The following PPFIBP2 variants were observed in gnomAD, a reference collection of about 807,000 sequenced individuals.
PPFIBP2 encodes PPFIB scaffold protein 2.
Under a neutral mutation model 118.3 loss-of-function variants are expected in PPFIBP2, and 118 were observed. The observed-to-expected ratio is 1.00, with a 90% CI of 0.86 to 1.16. The LOEUF (loss-of-function observed/expected upper bound fraction) is 1.16. Among genes scored for constraint, PPFIBP2 ranks in the 50% most tolerant of loss-of-function variants. The pLI, the probability that PPFIBP2 is intolerant of heterozygous loss-of-function variation, is 0.00. For missense variants in PPFIBP2, 1,195 were observed against 1,073.1 expected, an observed-to-expected ratio of 1.11 and a Z score of -1.59; for synonymous variants, 414 against 397.4, an observed-to-expected ratio of 1.04 and a Z score of -0.50.
At chr11:7,605,536 G>A (rs897038778) in intron 5 of PPFIBP2, among the ~76,000 whole-genome samples, 1 of 152,210 alleles carries the variant, frequency 6.6e-6, no homozygotes, top group Non-Finnish European at 1.5e-5. Flanking sequence ...TTTAAGCTGT[G>A]GAGAGTGGAA....
At chr11:7,641,128 TCCC>T in intron 15 of PPFIBP2, 1 of 1,206,426 alleles carries the variant, frequency 8.3e-7, no homozygotes, top group East Asian at 5.3e-5. Context: ...ACCCTAACCC[TCCC>T]CTTCACCAGC....
At chr11:7,550,126 C>A (rs72849046) in intron 2 of PPFIBP2, among the ~76,000 whole-genome samples, 3,918 of 152,324 alleles carry the variant, frequency 0.026, 48 homozygotes, top group Middle Eastern at 0.044. Context: ...AAAGGACTAT[C>A]AATTAGCTGT....
chr11:7,593,022 AATCAGTGAAACT>A (rs1029272937), intron 3 of PPFIBP2, 98 bp from the exon 4 acceptor site: 1 of 1,442,182 alleles, frequency 6.9e-7, no homozygotes, highest in Non-Finnish European at 9.3e-7. Context: ...TTGTACATAT[AATCAGTGAAACT>A]ATCCTCACAA....
intron 2 of PPFIBP2, among the ~76,000 whole-genome samples, chr11:7,553,013 T>C (rs916546412): frequency 2.0e-5 from 3 of 152,188 alleles, no homozygotes; most frequent in East Asian, 3.8e-4. Flanking sequence ...AGTGCCATAA[T>C]TGGTGGTTTT....
chr11:7,549,344 CGTT>C, intron 1 of PPFIBP2, 93 bp from the exon 2 acceptor site: 5 of 1,092,614 alleles, frequency 4.6e-6, no homozygotes, highest in Non-Finnish European at 6.8e-6. Flanking sequence ...TATGAAAACA[CGTT>C]GTGTGATGAT....
intron 1 of PPFIBP2, among the ~76,000 whole-genome samples, chr11:7,518,982 C>T (rs1016516681): frequency 3.9e-5 from 6 of 151,988 alleles, no homozygotes; most frequent in Non-Finnish European, 8.8e-5. Context: ...CGTAAGGTGG[C>T]GGGATGGGTT....
intron 1 of PPFIBP2, among the ~76,000 whole-genome samples, chr11:7,538,511 G>A (rs1210873024): frequency 6.6e-6 from 1 of 152,212 alleles, no homozygotes; most frequent in Admixed American, 6.5e-5. Flanking sequence ...AAGGGCTCGA[G>A]CTTTTTGGGA....
At chr11:7,641,374 C>G in intron 15 of PPFIBP2, 105 bp from the exon 16 acceptor site, 1 of 1,306,782 alleles carries the variant, frequency 7.7e-7, no homozygotes, top group Non-Finnish European at 1.1e-6. Flanking sequence ...CAGAACTGGG[C>G]AGATTCTCTG....
At chr11:7,596,099 A>G (rs1860234677) in intron 4 of PPFIBP2, among the ~76,000 whole-genome samples, 2 of 152,236 alleles carry the variant, frequency 1.3e-5, no homozygotes, top group African/African-American at 2.4e-5. Flanking sequence ...ACAATTAGCT[A>G]TAGAATGCTA....
rs1009025395 is a variant in PPFIBP2 at position 7,650,880 on chromosome 11, A to G, written c.2162A>G (p.His721Arg). ...SPSEVVQWSN[H>R]RVMEWLRSVD... is the part of the protein sequence containing the mutation. ...TCAGAAGTTGTACAGTGGTCCAACC[A>G]CAGGGTGATGGAGTGGTTACGATCT... is the stretch of plus-strand genomic sequence containing the variant. The change falls in exon 22 of 24, where the codon CAC becomes CGC. Residue 721 changes from histidine (H) to arginine (R), a missense_variant. By Grantham distance (29) the His-to-Arg change is conservative. Transcript: ENST00000299492. The G allele has an allele frequency of 3.1e-6, 5 of 1,614,006 alleles. No individual in the cohort carries two copies. The highest frequency in any genetic ancestry group is 4.2e-6 in the Non-Finnish European group (5 of 1,179,966).
chr11:7,605,803 A>G, intron 5 of PPFIBP2: 2 of 1,382,556 alleles, frequency 1.4e-6, no homozygotes, highest in Non-Finnish European at 1.9e-6. Context: ...GCCAGAGGAG[A>G]GAATTTCAGA....
At chr11:7,654,416 A>G (rs77932576), downstream of PPFIBP2, among the ~76,000 whole-genome samples, 1 of 152,212 alleles carries the variant, frequency 6.6e-6, no homozygotes, top group African/African-American at 2.4e-5. Flanking sequence ...GCAGAAGAGT[A>G]ACACCACGTC....
At chr11:7,593,011 T>A in intron 3 of PPFIBP2, 121 bp from the exon 4 acceptor site, 2 of 1,390,132 alleles carry the variant, frequency 1.4e-6, no homozygotes, top group South Asian at 3.0e-5. Context: ...GATGATTGGT[T>A]TTGTACATAT....
chr11:7,639,827 C>T lies in PPFIBP2; in HGVS notation c.1332C>T (p.Thr444=), dbSNP rs373442356. 1.2e-5 allele frequency: 20 copies of T among 1,614,070 alleles called. No individual in the cohort carries two copies. Among genetic ancestry groups the T allele is most frequent in the Admixed American group, 1.7e-5 (1 of 59,992 alleles). Reference sequence around the variant, plus strand: ...GAGAGGCTGCCAAATCTCCTCCCACCATCTGCCAGCCTGACGCCACGGGGA... The same window carrying T: ...GAGAGGCTGCCAAATCTCCTCCCACTATCTGCCAGCCTGACGCCACGGGGA... ...PNGEAAKSPP[T]ICQPDATGSS... The change falls in exon 15 of 24, where the codon ACC becomes ACT. Residue 444 remains threonine (T), a synonymous_variant. Coordinates refer to ENST00000299492, the MANE Select transcript of PPFIBP2 (RefSeq NM_003621.5).
the PPFIBP2 span, among the ~76,000 whole-genome samples, chr11:7,662,134 T>G: frequency 6.7e-6 from 1 of 150,050 alleles, no homozygotes; most frequent in East Asian, 1.9e-4. Context: ...ATTGGAGCAT[T>G]TAGTCCATTT....
Position 7,622,295 on chromosome 11 carries a change from G to C in PPFIBP2, c.711+1268G>C, listed in dbSNP as rs377569555. The stretch of plus-strand genomic sequence containing the variant: ...ACAGTTGCGAGGACAGCACCAAGAG[G>C]GTGGTGCCACCATTCATGAGAAATC... On this transcript the variant is annotated intron_variant, in intron 7 of 23. Transcript: ENST00000299492. Among the ~76,000 whole-genome samples the C allele has an allele frequency of 2.2e-4, 34 of 152,280 alleles. No individual in the cohort carries two copies. The South Asian group carries it at 6.6e-3, about 30-fold the overall frequency.
intron 3 of PPFIBP2, among the ~76,000 whole-genome samples, chr11:7,579,172 TACAAACCCCTCATTTA>T (rs1856892471): frequency 6.6e-6 from 1 of 152,144 alleles, no homozygotes; most frequent in Admixed American, 6.5e-5. Context: ...GATGGGATAG[TACAAACCCCTCATTTA>T]ACAAAGCCCA....
chr11:7,649,079 C>CT, intron 19 of PPFIBP2, 68 bp from the exon 20 acceptor site: 5 of 1,493,478 alleles, frequency 3.3e-6, no homozygotes, highest in Non-Finnish European at 4.6e-6. Context: ...ATTTGCTCCC[C>CT]TTTTTTTGGT....
intron 1 of PPFIBP2, among the ~76,000 whole-genome samples, chr11:7,530,067 C>G (rs1850562633): frequency 6.6e-6 from 1 of 152,156 alleles, no homozygotes; most frequent in Admixed American, 6.5e-5. Context: ...ACCCTGATCC[C>G]AACATTTAGG....
Sources: allele counts gnomAD v4.1 joint callset (sites outside exome capture counted in the v4.1 genomes callset), GRCh38; gene constraint gnomAD v4.1.1; transcripts MANE v1.5; gene names NCBI Gene and HGNC (gene_info 2026-07-23, HGNC 2026-07-21).